Variants in ANK3 observed in about 807,000 individuals in gnomAD.
The protein encoded by ANK3 is ankyrin-3.
ANK3 carries 57 observed loss-of-function variants against 370.9 expected under a neutral mutation model. The observed-to-expected ratio is 0.15, with a 90% CI of 0.12 to 0.19. The LOEUF (loss-of-function observed/expected upper bound fraction) is 0.19, where lower values mean the gene tolerates loss of function less well. ANK3 is among the 10% of genes least tolerant of loss of function. The pLI, the probability that ANK3 is intolerant of heterozygous loss-of-function variation, is 1.00. For synonymous variants in ANK3, 1,929 were observed against 1,946.3 expected (o/e 0.99, Z 0.23); for missense variants, 4,439 against 5,302.1 (o/e 0.84, Z 5.06).
chr10:60,650,366 CAAAAAAA>C (rs869281312), intron 1 of ANK3, among the ~76,000 whole-genome samples: 1,084 of 27,238 alleles, frequency 0.04, 11 homozygotes, highest in African/African-American at 0.1. Flanking sequence ...TACTACTTTA[CAAAAAAA>C]AAAAAAAAAA....
At chr10:60,082,528 A>G (rs1301015102) in intron 34 of ANK3, 87 bp downstream of exon 34, 23 of 1,506,886 alleles carry the variant, frequency 1.5e-5, no homozygotes, top group Non-Finnish European at 2.0e-5. Context: ...AGCTTTATTC[A>G]TGTTACAAAG....
intron 30 of ANK3, among the ~76,000 whole-genome samples, chr10:60,086,100 G>C (rs146902903): frequency 2.6e-5 from 4 of 152,122 alleles, no homozygotes; most frequent in Non-Finnish European, 5.9e-5. Context: ...GTTAAAAATC[G>C]GACTAGGATA....
At chr10:60,143,939 C>A (rs2094687482) in intron 23 of ANK3, among the ~76,000 whole-genome samples, 1 of 151,980 alleles carries the variant, frequency 6.6e-6, no homozygotes, top group African/African-American at 2.4e-5. Flanking sequence ...TGCTTAGAAC[C>A]AGGGAAAGAG....
chr10:60,032,435 TG>T (rs1365888836), intron 43 of ANK3, among the ~76,000 whole-genome samples: 2 of 152,060 alleles, frequency 1.3e-5, no homozygotes, highest in East Asian at 3.9e-4. Context: ...CTTGTACTCC[TG>T]ACCTCAAGTG....
At position 60,071,530 on chromosome 10, in the gene ANK3, G is replaced by T; in HGVS notation, c.9351C>A (p.Ile3117=). The T allele has an allele frequency of 1.2e-6, 2 of 1,614,038 alleles. No homozygotes were observed. Among genetic ancestry groups the T allele is most frequent in the South Asian group, 2.2e-5 (2 of 91,084 alleles). Reference sequence around the variant, plus strand: ...GTACTGTCTTACATTCCTGACTTATGATTTTTTTTACACCTCCTTGTTGTA... The same window carrying T: ...GTACTGTCTTACATTCCTGACTTATTATTTTTTTTACACCTCCTTGTTGTA... The part of the protein sequence containing the change: ...KEIQQGGVKK[I]ISQECKTVQE... The change falls in exon 37 of 44, where the codon ATC becomes ATA. Residue 3117 remains isoleucine, a synonymous_variant. Coordinates refer to ENST00000280772, the MANE Select transcript of ANK3 (RefSeq NM_020987.5).
intron 23 of ANK3, among the ~76,000 whole-genome samples, chr10:60,159,649 T>G (rs1195042406): frequency 6.6e-6 from 1 of 152,060 alleles, no homozygotes; most frequent in Non-Finnish European, 1.5e-5. Flanking sequence ...TTCTCAAGGA[T>G]AGACCACATG....
At chr10:60,243,631 G>A (rs7908011) in intron 7 of ANK3, among the ~76,000 whole-genome samples, 110,745 of 152,096 alleles carry the variant, frequency 0.73, 40,450 homozygotes, top group East Asian at 0.85. Context: ...AAATGAGTTA[G>A]TAAGTGTAGA....
intron 2 of ANK3, among the ~76,000 whole-genome samples, chr10:60,557,204 G>T (rs997484552): frequency 6.6e-6 from 1 of 152,116 alleles, no homozygotes; most frequent in Non-Finnish European, 1.5e-5. Flanking sequence ...GATGTTTGTT[G>T]AAACTTTATT....
At position 60,166,866 on chromosome 10, in the gene ANK3, G is replaced by C; in HGVS notation, c.2509C>G (p.Pro837Ala). The change falls in exon 22 of 44, where the codon CCA becomes GCA. Residue 837 changes from proline to alanine, a missense_variant. Physicochemically the swap from Pro to Ala is conservative, Grantham distance 27 (BLOSUM62 -1). Coordinates refer to ENST00000280772, the MANE Select transcript of ANK3 (RefSeq NM_020987.5). ...TCAAGAACTTCATTCATCGTTTCTG[G>C]AACATTCATTTTGTGCTTCTCTGTG... Reference protein sequence around the residue: ...TVTEKHKMNVPETMNEVLDMS... With the variant: ...TVTEKHKMNVAETMNEVLDMS... 6.2e-7 allele frequency: 1 copy of C among 1,613,888 alleles called. No homozygotes were observed.
At chr10:60,170,844 G>A (rs2095767809) in intron 21 of ANK3, among the ~76,000 whole-genome samples, 1 of 151,966 alleles carries the variant, frequency 6.6e-6, no homozygotes, top group African/African-American at 2.4e-5. Context: ...GAAAAGTTTT[G>A]AAATTTTGTA....
intron 1 of ANK3, among the ~76,000 whole-genome samples, chr10:60,686,241 A>G (rs2079266399): frequency 6.6e-6 from 1 of 152,190 alleles, no homozygotes; most frequent in Non-Finnish European, 1.5e-5. Flanking sequence ...ATAATTAGGC[A>G]TTTTATAAAA....
At chr10:60,733,222 G>A (rs1196788349) in intron 1 of ANK3, 6 of 1,238,336 alleles carry the variant, frequency 4.8e-6, no homozygotes, top group Admixed American at 8.4e-5. Flanking sequence ...CATGCCCCTG[G>A]GTGAAGGCAG....
chr10:60,565,523 C>A (rs1432781882), intron 2 of ANK3, among the ~76,000 whole-genome samples: 4 of 152,176 alleles, frequency 2.6e-5, no homozygotes, highest in Non-Finnish European at 4.4e-5. Context: ...TTGGGAAACC[C>A]CAGGTCGAAA....
At chr10:60,500,672 ATTATCCAGGTTTC>A (rs1287352157) in intron 2 of ANK3, among the ~76,000 whole-genome samples, 2 of 152,188 alleles carry the variant, frequency 1.3e-5, no homozygotes, top group East Asian at 3.9e-4. Context: ...AATGTTTTAA[ATTATCCAGGTTTC>A]TGGGCCCTGC....
At position 60,070,468 on chromosome 10, in the gene ANK3, T is replaced by A; in HGVS notation, c.10413A>T (p.Gly3471=). ...GCTTGTCCTCATCTGGTCCCACCTT[T>A]CCCTCCTCCTCGATAACTTCAAGTT... ...QSKLEVIEEE[G]KVGPDEDKPP... The change falls in exon 37 of 44, where the codon GGA becomes GGT. Residue 3471 remains glycine (G), a synonymous_variant. Coordinates refer to ENST00000280772, the MANE Select transcript of ANK3 (RefSeq NM_020987.5). This position sits in a 1 kb window ranked among gnomAD's most constrained non-coding sequence, Gnocchi z 5.7. The A allele has an allele frequency of 6.2e-7, 1 of 1,614,116 alleles. No individual in the cohort carries two copies. The highest frequency in any genetic ancestry group is 8.5e-7 in the Non-Finnish European group (1 of 1,180,020).
chr10:60,085,045 G>T, intron 31 of ANK3, 112 bp downstream of exon 31: 2 of 911,452 alleles, frequency 2.2e-6, no homozygotes, highest in Non-Finnish European at 3.2e-6. Flanking sequence ...AAATACTACG[G>T]ATTTTTTTTC....
intron 1 of ANK3, among the ~76,000 whole-genome samples, chr10:60,693,057 G>C (rs995764900): frequency 6.6e-6 from 1 of 152,194 alleles, no homozygotes; most frequent in South Asian, 2.1e-4. Context: ...CACCATGCAC[G>C]AGCCGAAGCA....
chr10:60,064,302 A>G lies in ANK3; in HGVS notation c.12320-14T>C. ...CCCTTGCCAGTTCTGTAGAAAAGAA[A>G]GAGAGTTACTAAGATTGCATATTCT... On this transcript the variant is annotated splice_polypyrimidine_tract_variant and intron_variant, in intron 38 of 43. Coordinates refer to ENST00000280772, the MANE Select transcript of ANK3 (RefSeq NM_020987.5). 1 of 1,559,466 alleles carries G rather than the reference A, an allele frequency of 6.4e-7. No homozygotes were observed. Among genetic ancestry groups the G allele is most frequent in the Non-Finnish European group, 8.6e-7 (1 of 1,164,134 alleles).
intron 28 of ANK3, among the ~76,000 whole-genome samples, chr10:60,099,521 G>C (rs915341510): frequency 6.6e-6 from 1 of 152,174 alleles, no homozygotes; most frequent in African/African-American, 2.4e-5. Context: ...AGAAGTAGGG[G>C]ACGTCTGGCC....
Sources: gnomAD v4.1 joint callset for allele counts (sites outside exome capture counted in the v4.1 genomes callset) on GRCh38, gnomAD v4.1.1 for gene constraint, Gnocchi (gnomAD v3.1) non-coding constraint, MANE v1.5 for transcripts, NCBI Gene and HGNC (gene_info 2026-07-23, HGNC 2026-07-21) for gene names.